The following NEIL1 variants were observed in gnomAD, a reference collection of about 807,000 sequenced individuals.
NEIL1 encodes endonuclease 8-like 1.
Under a neutral mutation model 44.2 loss-of-function variants are expected in NEIL1, and 31 were observed. The observed-to-expected ratio is 0.70, with a 90% CI of 0.53 to 0.95. NEIL1 has a LOEUF of 0.95. NEIL1 is among the 40% of genes least tolerant of loss of function. The pLI, the probability that NEIL1 is intolerant of heterozygous loss-of-function variation, is 0.00. For missense variants in NEIL1, 549 were observed against 515.5 expected, an observed-to-expected ratio of 1.07 and a Z score of -0.63; for synonymous variants, 254 against 209.7, an observed-to-expected ratio of 1.21 and a Z score of -1.83.
chr15:75,351,914 A>C (rs1453958410), intron 2 of NEIL1, 197 bp from the exon 3 acceptor site: 4 of 554,298 alleles, frequency 7.2e-6, no homozygotes, highest in Non-Finnish European at 1.3e-5. Flanking sequence ...GAGCCACTGC[A>C]CCTGGCCGTC....
In NEIL1 at chr15:75,355,104, T is replaced by C; in HGVS notation, c.*70T>C. The C allele has an allele frequency of 7.1e-7, 1 of 1,414,592 alleles. No individual in the cohort carries two copies. Among genetic ancestry groups the C allele is most frequent in the Non-Finnish European group, 9.8e-7 (1 of 1,020,046 alleles). The allele number at this position is 1,414,592 out of a possible 1,614,324, so 87.6% of individuals were successfully genotyped here. ...CCCTGCATCTGGGGGTCTGAATTTT[T>C]GGGAGCAGGCAATATCTGAAGGTGC... On this transcript the variant is annotated 3_prime_UTR_variant, in exon 10 of 10. Coordinates refer to ENST00000355059, the MANE Select transcript of NEIL1 (RefSeq NM_024608.4).
At position 75,354,668 on chromosome 15, in the gene NEIL1, A is replaced by G; in HGVS notation, c.952A>G (p.Ser318Gly). 4 of 1,614,122 alleles carry G rather than the reference A, an allele frequency of 2.5e-6. No homozygotes were observed. In the South Asian group the frequency reaches 3.3e-5, roughly 13 times the overall value. Residue 318 changes from serine (S) to glycine (G), a missense_variant, in exon 9 of 10, where the codon AGC (serine) becomes GGC (glycine). Transcript: ENST00000355059. Reference protein sequence around the residue: ...EDRVEDALPPSKAPSRTRRAK... With the variant: ...EDRVEDALPPGKAPSRTRRAK... Reference sequence around the variant, plus strand: ...CTCCATCCAGGACGCTTTGCCTCCAAGCAAGGCCCCTTCCAGGACACGAAG... The same window carrying G: ...CTCCATCCAGGACGCTTTGCCTCCAGGCAAGGCCCCTTCCAGGACACGAAG...
rs1469188898 is a variant in NEIL1, at chr15:75,352,593, C to T, written c.619-9C>T. 8 of 1,611,722 alleles carry T rather than the reference C, an allele frequency of 5.0e-6. No homozygotes were observed. The highest frequency in any genetic ancestry group is 6.8e-6 in the Non-Finnish European group (8 of 1,178,882). On this transcript the variant is annotated splice_polypyrimidine_tract_variant and intron_variant, in intron 4 of 9. Transcript: ENST00000355059. ...TGACAGACAGGTCCTGCCCCTGCCC[C>T]TTCCTCAGAGCCCGGAGCTGACCCT...
chr15:75,349,175 CGA>C lies in NEIL1; in HGVS notation c.272_273del (p.Glu91GlyfsTer64). On this transcript the variant is annotated frameshift_variant, in exon 2 of 10. Coordinates refer to ENST00000355059, the MANE Select transcript of NEIL1 (RefSeq NM_024608.4). LOFTEE classifies it high-confidence loss of function. ...MSGSFQLVPR[E>X]ELPRHAHLRF... is the part of the protein sequence containing the mutation. ...CCGGCTCTTTTCAGCTGGTGCCCCG[CGA>C]GGAGCTGCCACGCCATGCCCACCTG... 6.2e-7 allele frequency: 1 copy of C among 1,609,124 alleles called. No individual in the cohort carries two copies. Among genetic ancestry groups the C allele is most frequent in the Non-Finnish European group, 8.5e-7 (1 of 1,179,876 alleles).
intron 2 of NEIL1, among the ~76,000 whole-genome samples, chr15:75,350,281 G>A (rs754173785): frequency 6.6e-6 from 1 of 152,216 alleles, no homozygotes; most frequent in Non-Finnish European, 1.5e-5. Flanking sequence ...GGGGCTCGGG[G>A]TACAGCAGTG....
rs773055154 is a variant in NEIL1 at position 75,349,091 on chromosome 15, T to C, written c.186T>C (p.Pro62=). 5 of 1,612,496 alleles carry C rather than the reference T, an allele frequency of 3.1e-6. No individual in the cohort carries two copies. The highest frequency in any genetic ancestry group is 4.2e-6 in the Non-Finnish European group (5 of 1,179,930). Residue 62 remains proline, a synonymous_variant, in exon 2 of 10, where the codon CCT becomes CCC. Transcript: ENST00000355059. ...RGKELRLILS[P]LPGAQPQQEP... ...AGGAGCTGCGCCTGATACTGAGCCC[T>C]CTGCCTGGGGCCCAGCCCCAACAGG... is the stretch of plus-strand genomic sequence containing the variant.
rs568653147 is a variant in NEIL1 at position 75,354,770 on chromosome 15, C to G, written c.1054C>G (p.Pro352Ala). 1.9e-6 allele frequency: 3 copies of G among 1,614,026 alleles called. No individual in the cohort carries two copies. The highest frequency in any genetic ancestry group is 2.2e-5 in the South Asian group (2 of 91,090). Reference protein sequence around the residue: ...GTSLQQDPEAPTVPKKGRRKG... With the variant: ...GTSLQQDPEAATVPKKGRRKG... ...CAGCCTCCAGCAGGACCCAGAAGCT[C>G]CCACAGTGCCCAAGAAGGGGAGGAG... The change falls in exon 9 of 10, where the codon CCC becomes GCC. Residue 352 changes from proline (P) to alanine (A), a missense_variant. Physicochemically the swap from Pro to Ala is conservative, Grantham distance 27. Transcript: ENST00000355059.
rs761717093 is a variant in NEIL1 at position 75,348,891 on chromosome 15, C to T, written c.-15C>T. ...TGCCTTCCTCCCCAACAGGACTCTG[C>T]CACCCTCCCTCAGGATGCCTGAGGG... On this transcript the variant is annotated 5_prime_UTR_variant, in exon 2 of 10. Transcript: ENST00000355059. The T allele has an allele frequency of 1.9e-6, 3 of 1,607,684 alleles. No homozygotes were observed. Among genetic ancestry groups the T allele is most frequent in the South Asian group, 1.1e-5 (1 of 90,972 alleles).
intron 2 of NEIL1, 49 bp from the exon 3 acceptor site, chr15:75,352,062 C>A (rs1308902587): frequency 1.6e-5 from 25 of 1,603,204 alleles, no homozygotes; most frequent in African/African-American, 2.7e-5. Flanking sequence ...TCTCCCCATC[C>A]CATGGAGGGT....
chr15:75,348,727 G>C (rs2071635483), intron 1 of NEIL1, 157 bp from the exon 2 acceptor site: 25 of 1,436,532 alleles, frequency 1.7e-5, no homozygotes, highest in Admixed American at 2.8e-5. Flanking sequence ...TGTCCGGGTA[G>C]GGGATTGAGG....
chr15:75,352,745 G>A, intron 5 of NEIL1, 44 bp downstream of exon 5: 1 of 1,488,746 alleles, frequency 6.7e-7, no homozygotes, highest in Non-Finnish European at 9.2e-7. Flanking sequence ...GCAAATGATT[G>A]TGTAACCCTG....
At chr15:75,354,175 A>T (rs2141318000) in intron 6 of NEIL1, 75 bp from the exon 7 acceptor site, 1 of 1,513,088 alleles carries the variant, frequency 6.6e-7, no homozygotes, top group Non-Finnish European at 9.2e-7. Context: ...GGTGTGTGTG[A>T]GTCCTGCCTC....
Position 75,356,308 on chromosome 15 carries a change from A to G in NEIL1, c.*1274A>G. The stretch of plus-strand genomic sequence containing the variant: ...GCACGTCCCACCCCTTGCCTGCTTG[A>G]CGGTCTCCAATACGACCGCGGGTGA... On this transcript the variant is annotated 3_prime_UTR_variant, in exon 10 of 10. Transcript: ENST00000355059. This position sits in a 1 kb window ranked among gnomAD's most constrained non-coding sequence, Gnocchi z 5.8. The G allele has an allele frequency of 1.2e-6, 2 of 1,610,764 alleles. No homozygotes were observed. The highest frequency in any genetic ancestry group is 1.3e-5 in the African/African-American group (1 of 74,262).
chr15:75,353,224 T>TATACAC, intron 5 of NEIL1: 1 of 162,118 alleles, frequency 6.2e-6, no homozygotes, highest in Non-Finnish European at 1.3e-5. Context: ...TATATATTTA[T>TATACAC]ACACACACAC....
In NEIL1 at chr15:75,356,962, T is replaced by G; in HGVS notation, c.*1928T>G. ...TGTGCCCCTCTTTGTGCTCCCAGACTCCAGAGCTCCTGTCACTAGGCCGAG... is the reference window on the plus strand; with the variant it reads ...TGTGCCCCTCTTTGTGCTCCCAGACGCCAGAGCTCCTGTCACTAGGCCGAG... On this transcript the variant is annotated 3_prime_UTR_variant, in exon 10 of 10. Transcript: ENST00000355059. This position sits in a 1 kb window ranked among gnomAD's most constrained non-coding sequence, Gnocchi z 5.8. 2 of 1,371,372 alleles carry G rather than the reference T, an allele frequency of 1.5e-6. No homozygotes were observed. The highest frequency in any genetic ancestry group is 3.5e-5 in the Admixed American group (2 of 57,192). The allele number at this position is 1,371,372 out of a possible 1,614,324, so 85.0% of individuals were successfully genotyped here. A position where few individuals can be genotyped will look rare whatever the true frequency, so the allele number is the denominator to read the frequency against.
chr15:75,348,184 C>A, intron 1 of NEIL1: 1 of 702,624 alleles, frequency 1.4e-6, no homozygotes, highest in Non-Finnish European at 1.8e-6. Flanking sequence ...GCAGCCCGCC[C>A]GCCTCGTCCT....
intron 1 of NEIL1, chr15:75,347,760 G>T (rs1228625927): frequency 9.2e-7 from 1 of 1,084,496 alleles, no homozygotes; most frequent in South Asian, 1.9e-5. Context: ...GGGGAGTCAG[G>T]ATTAACCGAG....
Position 75,354,718 on chromosome 15 carries a change from G to A in NEIL1, c.1002G>A (p.Arg334=). The change falls in exon 9 of 10, where the codon AGG becomes AGA. Residue 334 remains arginine, a synonymous_variant. Coordinates refer to ENST00000355059, the MANE Select transcript of NEIL1 (RefSeq NM_024608.4). ...GGGCAAAGAGAGACCTTCCTAAGAG[G>A]ACTGCAACCCAGCGGCCTGAGGGGA... The part of the protein sequence containing the change: ...TRRAKRDLPK[R]TATQRPEGTS... The A allele has an allele frequency of 1.9e-6, 3 of 1,614,150 alleles. No individual in the cohort carries two copies. The highest frequency in any genetic ancestry group is 2.5e-6 in the Non-Finnish European group (3 of 1,180,028).
chr15:75,356,880 T>C lies in NEIL1; in HGVS notation c.*1846T>C. ...CAGCCCAAAGCCGTGTTCTGACAGA[T>C]CCATCCAGCGATGGGCCCACACCTG... On this transcript the variant is annotated 3_prime_UTR_variant, in exon 10 of 10. Transcript: ENST00000355059. The surrounding 1 kb of genome is among the most constrained non-coding windows in gnomAD (Gnocchi z 5.8). 1.2e-6 allele frequency: 2 copies of C among 1,613,790 alleles called. No individual in the cohort carries two copies. Among genetic ancestry groups the C allele is most frequent in the Non-Finnish European group, 1.7e-6 (2 of 1,179,728 alleles).
Sources: allele counts gnomAD v4.1 joint callset (sites outside exome capture counted in the v4.1 genomes callset), GRCh38; gene constraint gnomAD v4.1.1; non-coding constraint Gnocchi (gnomAD v3.1); transcripts MANE v1.5; gene names NCBI Gene and HGNC (gene_info 2026-07-23, HGNC 2026-07-21).